PKNOX1: variants seen among roughly 807,000 people sequenced by gnomAD.
PKNOX1 encodes PBX/knotted 1 homeobox 1, also known as homeobox protein PKNOX1.
In PKNOX1, 15 loss-of-function variants were observed where a neutral mutation model predicts 51.9. The observed-to-expected ratio is 0.29, with a 90% confidence interval of 0.19 to 0.45. PKNOX1 has a LOEUF of 0.45. Among genes scored for constraint, PKNOX1 ranks in the 20% least tolerant of loss-of-function variants. The pLI is 1.00. For missense variants in PKNOX1, 462 were observed against 547.5 expected (o/e 0.84, Z 1.56); for synonymous variants, 219 against 211.1 (o/e 1.04, Z -0.32).
intron 4 of PKNOX1, among the ~76,000 whole-genome samples, chr21:43,010,912 G>T (rs1403994255): frequency 6.6e-6 from 1 of 152,060 alleles, no homozygotes; most frequent in African/African-American, 2.4e-5. Flanking sequence ...GAGCCTCCAT[G>T]CCAAATGGAC....
At chr21:43,029,850 G>A in intron 10 of PKNOX1, 40 bp from the exon 11 acceptor site, 1 of 1,550,634 alleles carries the variant, frequency 6.4e-7, no homozygotes. Context: ...TTTTCTGTGA[G>A]TACTAATTTA....
At position 43,013,221 on chromosome 21, in the gene PKNOX1, T is replaced by A; in HGVS notation, c.505T>A (p.Ser169Thr). 1 of 1,608,310 alleles carries A rather than the reference T, an allele frequency of 6.2e-7. No homozygotes were observed. Among genetic ancestry groups the A allele is most frequent in the Non-Finnish European group, 8.5e-7 (1 of 1,176,746 alleles). Residue 169 changes from serine to threonine, a missense_variant, in exon 5 of 11, where the codon TCA becomes ACA. Transcript: ENST00000291547. ...LLSGEPGSPYSPVQSQQIQSA... is the reference protein window; with the variant it reads ...LLSGEPGSPYTPVQSQQIQSA... ...GAGTGGAGAGCCTGGAAGCCCGTACTCACCAGTGCAGTCCCAGGTACTTAC... is the reference window on the plus strand; with the variant it reads ...GAGTGGAGAGCCTGGAAGCCCGTACACACCAGTGCAGTCCCAGGTACTTAC...
chr21:43,029,886 G>T lies in PKNOX1; in HGVS notation c.1100-4G>T, dbSNP rs779953864. ...AATAATGACACACCTTCATCCTGCC[G>T]CAGGAGCTGTTGTCACCATCACCAC... On this transcript the variant is annotated splice_region_variant and splice_polypyrimidine_tract_variant and intron_variant, in intron 10 of 10. Coordinates refer to ENST00000291547, the MANE Select transcript of PKNOX1 (RefSeq NM_004571.5). 6 of 1,610,046 alleles carry T rather than the reference G, an allele frequency of 3.7e-6. No homozygotes were observed. Among genetic ancestry groups the T allele is most frequent in the African/African-American group, 2.7e-5 (2 of 74,870 alleles).
intron 1 of PKNOX1, among the ~76,000 whole-genome samples, chr21:42,994,031 CTTTTT>C (rs34173115): frequency 7.5e-5 from 7 of 93,262 alleles, no homozygotes; most frequent in Admixed American, 2.6e-4. Context: ...CGCGCCCAGC[CTTTTT>C]TTTTTTTTTT....
chr21:43,028,914 G>T (rs377338912), intron 10 of PKNOX1, 40 bp downstream of exon 10: 72 of 1,602,720 alleles, frequency 4.5e-5, no homozygotes, highest in Non-Finnish European at 5.5e-5. Context: ...GTGGACCATG[G>T]GGTGGGGATT....
chr21:42,993,346 C>T (rs1190188124), intron 1 of PKNOX1, among the ~76,000 whole-genome samples: 2 of 152,098 alleles, frequency 1.3e-5, no homozygotes, highest in East Asian at 1.9e-4. Flanking sequence ...ACAGGACTCG[C>T]GGGCCGAGCT....
intron 1 of PKNOX1, among the ~76,000 whole-genome samples, chr21:42,990,858 AT>A (rs977928414): frequency 2.6e-5 from 4 of 152,124 alleles, no homozygotes; most frequent in Admixed American, 2.6e-4. Context: ...GTCTGTTCAG[AT>A]TTCTCTCTGT....
At chr21:42,987,843 C>A (rs931931286) in intron 1 of PKNOX1, among the ~76,000 whole-genome samples, 4 of 151,980 alleles carry the variant, frequency 2.6e-5, no homozygotes, top group Non-Finnish European at 5.9e-5. Flanking sequence ...TGGTCTCGAT[C>A]TCCTGACCTC....
chr21:43,011,660 G>T (rs1979259907), intron 4 of PKNOX1, among the ~76,000 whole-genome samples: 3 of 152,188 alleles, frequency 2.0e-5, no homozygotes. Flanking sequence ...TTCCCTTCGA[G>T]CCATCTTGGT....
chr21:43,011,066 C>CT lies in PKNOX1; in HGVS notation c.351+861dup, dbSNP rs11347992. 5.5e-3 allele frequency among the ~76,000 whole-genome samples: 440 copies of CT among 80,696 alleles called. 8 individuals are homozygous for CT. Among genetic ancestry groups the CT allele is most frequent in the African/African-American group, 0.019 (386 of 20,414 alleles). 52.9% of individuals were successfully genotyped at this position (80,696 alleles called of 152,430 possible). A position where few individuals can be genotyped will look rare whatever the true frequency, so the allele number is the denominator to read the frequency against. On this transcript the variant is annotated intron_variant, in intron 4 of 10. Transcript: ENST00000291547. ...GCTGTATTCTCCAAGACAGCTCTGT[C>CT]TTTTTTTTTTTTTTTTTTTGAGACG...
At chr21:42,990,127 C>T (rs2059078877) in intron 1 of PKNOX1, among the ~76,000 whole-genome samples, 1 of 151,306 alleles carries the variant, frequency 6.6e-6, no homozygotes. Context: ...AATAAGCGGA[C>T]ACAGTGTGCC....
intron 1 of PKNOX1, among the ~76,000 whole-genome samples, chr21:42,988,062 T>G (rs2059064840): frequency 9.6e-6 from 1 of 104,384 alleles, no homozygotes; most frequent in Admixed American, 1.1e-4. Flanking sequence ...TTGTTTTTGT[T>G]TTTGTTTTTG....
intron 1 of PKNOX1, among the ~76,000 whole-genome samples, chr21:42,978,760 A>T (rs1220325601): frequency 1.3e-5 from 2 of 151,936 alleles, no homozygotes; most frequent in African/African-American, 4.8e-5. Context: ...CTGGGATTAC[A>T]GGCATGAGCC....
At chr21:42,975,264 C>T (rs1279499622) in intron 1 of PKNOX1, among the ~76,000 whole-genome samples, 3 of 137,502 alleles carry the variant, frequency 2.2e-5, no homozygotes, top group African/African-American at 5.5e-5. Flanking sequence ...CGGCCTCGGC[C>T]GTGGCGAGCG....
chr21:42,979,880 C>T (rs1417357151), intron 1 of PKNOX1, among the ~76,000 whole-genome samples: 1 of 152,246 alleles, frequency 6.6e-6, no homozygotes, highest in African/African-American at 2.4e-5. Flanking sequence ...ATGCTTTTCA[C>T]TTCAGACATT....
At chr21:43,010,733 A>G (rs1979213849) in intron 4 of PKNOX1, among the ~76,000 whole-genome samples, 1 of 151,934 alleles carries the variant, frequency 6.6e-6, no homozygotes, top group African/African-American at 2.4e-5. Flanking sequence ...GCATGGTGGC[A>G]CATGCCTGTA....
chr21:42,984,410 CAG>C (rs2059041514), intron 1 of PKNOX1, among the ~76,000 whole-genome samples: 6 of 151,508 alleles, frequency 4.0e-5, no homozygotes, highest in Admixed American at 3.3e-4. Context: ...TTTTTTGAGA[CAG>C]AGTTTTGCTC....
chr21:43,015,932 T>C (rs1979470658), intron 5 of PKNOX1, among the ~76,000 whole-genome samples: 1 of 152,226 alleles, frequency 6.6e-6, no homozygotes, highest in African/African-American at 2.4e-5. Context: ...TTCACCTTGA[T>C]CTTTATTATT....
intron 9 of PKNOX1, among the ~76,000 whole-genome samples, chr21:43,026,141 T>C (rs2146294407): frequency 6.6e-6 from 1 of 152,322 alleles, no homozygotes; most frequent in Non-Finnish European, 1.5e-5. Flanking sequence ...TCTCTGGATG[T>C]GCTGGTGCCC....
Sources: gnomAD v4.1 joint callset for allele counts (sites outside exome capture counted in the v4.1 genomes callset) on GRCh38, gnomAD v4.1.1 for gene constraint, MANE v1.5 for transcripts, NCBI Gene and HGNC (gene_info 2026-07-23, HGNC 2026-07-21) for gene names.